Variants in SMARCA2 observed in about 807,000 individuals in gnomAD.
The protein encoded by SMARCA2 is SWI/SNF-related matrix-associated actin-dependent regulator of chromatin subfamily A member 2.
SMARCA2 carries 61 observed loss-of-function variants against 199.8 expected under a neutral mutation model. The observed-to-expected ratio is 0.31, with a 90% CI of 0.25 to 0.38. SMARCA2 has a LOEUF of 0.38. Ranked by LOEUF, SMARCA2 falls within the 10% of genes least tolerant of loss-of-function variation. The pLI, the probability that SMARCA2 is intolerant of heterozygous loss-of-function variation, is 1.00. For missense variants in SMARCA2, 1,344 were observed against 2,012.2 expected, an observed-to-expected ratio of 0.67 and a Z score of 6.35; for synonymous variants, 935 against 732.0, an observed-to-expected ratio of 1.28 and a Z score of -4.48.
Position 2,186,157 on chromosome 9 carries a change from A to C in SMARCA2, c.4523A>C (p.Lys1508Thr). Residue 1508 changes from lysine (K) to threonine (T), a missense_variant, in exon 32 of 34, where the codon AAA becomes ACA. Coordinates refer to ENST00000349721, the MANE Select transcript of SMARCA2 (RefSeq NM_003070.5). ...VFKSARQKIAKEEESEDESNE... is the reference protein window; with the variant it reads ...VFKSARQKIATEEESEDESNE... ...AAGAGTGCCCGGCAGAAAATTGCCA[A>C]AGAGGAAGAGAGTGAGGATGAAAGC... 1 of 1,614,098 alleles carries C rather than the reference A, an allele frequency of 6.2e-7. No homozygotes were observed. The highest frequency in any genetic ancestry group is 2.2e-5 in the East Asian group (1 of 44,878).
At chr9:2,185,776 G>A (rs1344290218) in intron 31 of SMARCA2, among the ~76,000 whole-genome samples, 3 of 152,170 alleles carry the variant, frequency 2.0e-5, no homozygotes, top group Non-Finnish European at 4.4e-5. Context: ...ACAGCATTTG[G>A]TAGAACAATT....
chr9:2,105,291 G>C (rs1307855711), intron 23 of SMARCA2, among the ~76,000 whole-genome samples: 2 of 151,862 alleles, frequency 1.3e-5, no homozygotes, highest in African/African-American at 4.8e-5. Context: ...TGTCACCCAG[G>C]CTGGAATGCA....
intron 27 of SMARCA2, among the ~76,000 whole-genome samples, chr9:2,154,378 T>C (rs909048658): frequency 3.3e-5 from 5 of 152,234 alleles, no homozygotes; most frequent in African/African-American, 1.2e-4. Context: ...TTTTCTATAT[T>C]AGACAGCCTC....
intron 29 of SMARCA2, among the ~76,000 whole-genome samples, chr9:2,179,452 GTTTA>G (rs1339089037): frequency 3.9e-5 from 6 of 152,264 alleles, no homozygotes; most frequent in African/African-American, 9.6e-5. Context: ...GAATAAATGT[GTTTA>G]TTTCTCATTT....
At chr9:2,172,644 A>T (rs760115862) in intron 29 of SMARCA2, among the ~76,000 whole-genome samples, 3 of 152,034 alleles carry the variant, frequency 2.0e-5, no homozygotes, top group Non-Finnish European at 2.9e-5. Flanking sequence ...AGGAATTTTG[A>T]TGTACTCTTC....
chr9:2,187,498 C>A (rs1827553028), intron 32 of SMARCA2, among the ~76,000 whole-genome samples: 1 of 151,946 alleles, frequency 6.6e-6, no homozygotes, highest in South Asian at 2.1e-4. Flanking sequence ...ATAGCAAGAC[C>A]CTATCTCTAC....
intron 5 of SMARCA2, among the ~76,000 whole-genome samples, chr9:2,054,187 A>G (rs1361440322): frequency 6.6e-6 from 1 of 152,204 alleles, no homozygotes; most frequent in African/African-American, 2.4e-5. Flanking sequence ...TTAGGACAGA[A>G]CTAGAAGTTC....
In SMARCA2 at chr9:2,029,012, A is replaced by G; in HGVS notation, c.-11A>G. The G allele has an allele frequency of 2.6e-6, 4 of 1,548,212 alleles. No homozygotes were observed. The South Asian group carries it at 4.8e-5, about 18-fold the overall frequency. On this transcript the variant is annotated 5_prime_UTR_variant, in exon 2 of 34. Transcript: ENST00000349721. The stretch of plus-strand genomic sequence containing the variant: ...CATTACTCTACTGACTGGCAGAGAC[A>G]GGAGAGGTAGATGTCCACGCCCACA...
chr9:2,074,184 G>T (rs1469120182), intron 12 of SMARCA2, among the ~76,000 whole-genome samples: 1 of 152,088 alleles, frequency 6.6e-6, no homozygotes, highest in African/African-American at 2.4e-5. Flanking sequence ...TCTCTTGGAA[G>T]GAATACTTAG....
rs770191799 is a variant in SMARCA2, at chr9:2,192,686, TCTTA to T, written c.4738-17_4738-14del. On this transcript the variant is annotated splice_polypyrimidine_tract_variant and intron_variant, in intron 33 of 33. Transcript: ENST00000349721. ...CATGTGATGTTACTTCATTTTATCT[TCTTA>T]TTTTTACTTTTAGGAACAGTCAGAA... is the stretch of plus-strand genomic sequence containing the variant. The T allele has an allele frequency of 7.6e-6, 12 of 1,574,862 alleles. No homozygotes were observed. The African/African-American group carries it at 1.5e-4, about 19-fold the overall frequency.
chr9:2,100,068 G>A (rs981443400), intron 21 of SMARCA2, among the ~76,000 whole-genome samples: 7 of 152,162 alleles, frequency 4.6e-5, no homozygotes, highest in African/African-American at 1.7e-4. Context: ...GAAAGATCTG[G>A]TCCCCTTGGA....
chr9:2,076,225 C>A lies in SMARCA2; in HGVS notation c.1936-4C>A. The A allele has an allele frequency of 6.5e-7, 1 of 1,540,250 alleles. No homozygotes were observed. The highest frequency in any genetic ancestry group is 9.0e-7 in the Non-Finnish European group (1 of 1,114,658). ...TTTCCTCCCTATCTTTGTTCCTTTT[C>A]CAGGATGAGGAAGAAGAGTCCAGTA... is the stretch of plus-strand genomic sequence containing the variant. On this transcript the variant is annotated splice_polypyrimidine_tract_variant and splice_region_variant and intron_variant, in intron 12 of 33. Transcript: ENST00000349721.
At chr9:2,163,159 C>G (rs1825769559) in intron 28 of SMARCA2, among the ~76,000 whole-genome samples, 1 of 152,208 alleles carries the variant, frequency 6.6e-6, no homozygotes, top group African/African-American at 2.4e-5. Context: ...CCTTTCTTAT[C>G]TGCAAGGAGT....
At chr9:2,179,077 G>C (rs950761875) in intron 29 of SMARCA2, among the ~76,000 whole-genome samples, 2 of 152,212 alleles carry the variant, frequency 1.3e-5, no homozygotes, top group South Asian at 4.1e-4. Context: ...TACTTGGAGA[G>C]GAGAAAAAAC....
chr9:2,038,708 C>G (rs1819441929), intron 3 of SMARCA2, among the ~76,000 whole-genome samples: 1 of 152,130 alleles, frequency 6.6e-6, no homozygotes, highest in African/African-American at 2.4e-5. Context: ...ATTACCTTTT[C>G]ATACCCCTAT....
At chr9:2,184,094 C>T (rs149045470) in intron 31 of SMARCA2, among the ~76,000 whole-genome samples, 1 of 152,284 alleles carries the variant, frequency 6.6e-6, no homozygotes, top group African/African-American at 2.4e-5. Flanking sequence ...TTCCCCTGCA[C>T]TGTCTAGAAT....
At position 2,150,313 on chromosome 9, in the gene SMARCA2, A is replaced by C. The variant is rs934299915; in HGVS notation, c.3982-11373A>C. Among the ~76,000 whole-genome samples, 13 of 151,678 alleles carry C rather than the reference A, an allele frequency of 8.6e-5. 1 individual carries two copies. The highest frequency in any genetic ancestry group is 1.9e-4 in the Non-Finnish European group (13 of 67,774). The stretch of plus-strand genomic sequence containing the variant: ...ACCTGCAGCTCAAATTCTTAATAGA[A>C]GTGAACTGACTGGCTCAGCCAATCA... On this transcript the variant is annotated intron_variant, in intron 27 of 33. Transcript: ENST00000349721.
intron 23 of SMARCA2, among the ~76,000 whole-genome samples, chr9:2,107,130 TA>T (rs200473061): frequency 6.6e-6 from 1 of 151,474 alleles, no homozygotes; most frequent in African/African-American, 2.5e-5. Context: ...TTTGTTAAAT[TA>T]AAAAAATATT....
chr9:2,078,978 A>G lies in SMARCA2; in HGVS notation c.2184+1202A>G, dbSNP rs528714524. On this transcript the variant is annotated intron_variant, in intron 14 of 33. Transcript: ENST00000349721. Reference sequence around the variant, plus strand: ...AATAAATAAATAAAAATAAAAATAGATAAATAAAAAAAGAGGTTTGTGGCC... The same window carrying G: ...AATAAATAAATAAAAATAAAAATAGGTAAATAAAAAAAGAGGTTTGTGGCC... Among the ~76,000 whole-genome samples, 7 of 152,162 alleles carry G rather than the reference A, an allele frequency of 4.6e-5. No homozygotes were observed. The East Asian group carries it at 1.3e-3, about 29-fold the overall frequency.
Sources: gnomAD v4.1 joint callset for allele counts (sites outside exome capture counted in the v4.1 genomes callset) on GRCh38, gnomAD v4.1.1 for gene constraint, MANE v1.5 for transcripts, NCBI Gene and HGNC (gene_info 2026-07-23, HGNC 2026-07-21) for gene names.